The following KANSL1L variants were observed in gnomAD, a reference collection of about 807,000 sequenced individuals.
The protein encoded by KANSL1L is KAT8 regulatory NSL complex subunit 1 like.
KANSL1L carries 25 observed loss-of-function variants against 108.6 expected under a neutral mutation model. The ratio of observed to expected loss-of-function variants is 0.23; its 90% CI spans 0.17 to 0.32. The LOEUF (loss-of-function observed/expected upper bound fraction) is 0.32, where lower values mean the gene tolerates loss of function less well. Ranked by LOEUF, KANSL1L falls within the 10% of genes least tolerant of loss-of-function variation. KANSL1L has a pLI of 1.00. For synonymous variants in KANSL1L, 405 were observed against 395.1 expected, an observed-to-expected ratio of 1.03 and a Z score of -0.30; for missense variants, 1,137 against 1,125.7, an observed-to-expected ratio of 1.01 and a Z score of -0.14.
At chr2:210,121,236 G>A (rs1462261307) in intron 3 of KANSL1L, among the ~76,000 whole-genome samples, 1 of 152,192 alleles carries the variant, frequency 6.6e-6, no homozygotes, top group Non-Finnish European at 1.5e-5. Context: ...CAAAGGCATA[G>A]AATCAACCCG....
intron 4 of KANSL1L, among the ~76,000 whole-genome samples, chr2:210,102,148 A>G (rs898862773): frequency 4.6e-5 from 7 of 152,118 alleles, no homozygotes; most frequent in Admixed American, 2.0e-4. Flanking sequence ...CCACTGGTCT[A>G]TATCTCTGTT....
chr2:210,147,573 G>A (rs771844795), intron 2 of KANSL1L, among the ~76,000 whole-genome samples: 3 of 152,114 alleles, frequency 2.0e-5, no homozygotes, highest in Non-Finnish European at 2.9e-5. Context: ...AAAGGAAAAG[G>A]TTCTTCATTT....
chr2:210,163,732 C>T (rs2095373008), intron 1 of KANSL1L, among the ~76,000 whole-genome samples: 1 of 151,922 alleles, frequency 6.6e-6, no homozygotes, highest in Admixed American at 6.6e-5. Context: ...ATTTTATATA[C>T]AATAGTATAC....
In KANSL1L at chr2:210,065,358, C is replaced by T. The variant is rs140556611; in HGVS notation, c.1755+10194G>A. On this transcript the variant is annotated intron_variant, in intron 6 of 14. Transcript: ENST00000281772. ...CAAGCAGAAGTTAGAGAAAACAGAG[C>T]CAGTACTTCCCCATTCAAAAATAAG... is the stretch of plus-strand genomic sequence containing the variant. Among the ~76,000 whole-genome samples the T allele has an allele frequency of 9.0e-3, 1,326 of 147,890 alleles. 21 individuals are homozygous for T. The highest frequency in any genetic ancestry group is 0.028 in the African/African-American group (1,130 of 39,798).
chr2:210,050,739 C>A, intron 6 of KANSL1L, among the ~76,000 whole-genome samples: 1 of 151,796 alleles, frequency 6.6e-6, no homozygotes, highest in Non-Finnish European at 1.5e-5. Flanking sequence ...GTGGCACACA[C>A]CTATATTCCC....
intron 5 of KANSL1L, among the ~76,000 whole-genome samples, chr2:210,087,744 A>G (rs1198946928): frequency 6.6e-6 from 1 of 152,188 alleles, no homozygotes; most frequent in Admixed American, 6.5e-5. Flanking sequence ...AAAATTAACA[A>G]AATAACATCA....
chr2:210,162,154 T>C (rs1419150695), intron 1 of KANSL1L, among the ~76,000 whole-genome samples: 1 of 147,028 alleles, frequency 6.8e-6, no homozygotes, highest in Non-Finnish European at 1.5e-5. Flanking sequence ...GAAGAATTGG[T>C]CTTCATATCC....
chr2:210,156,627 A>G (rs1012246548), intron 1 of KANSL1L, among the ~76,000 whole-genome samples: 1 of 152,146 alleles, frequency 6.6e-6, no homozygotes, highest in Non-Finnish European at 1.5e-5. Context: ...ATATACGTAT[A>G]CATTTGTGTC....
At chr2:210,170,694 G>C (rs1156427681) in intron 1 of KANSL1L, 1 of 152,236 alleles carries the variant, frequency 6.6e-6, no homozygotes, top group East Asian at 1.9e-4. Context: ...AATCCAGTGG[G>C]CTCCGCCTCA....
intron 8 of KANSL1L, among the ~76,000 whole-genome samples, chr2:210,033,966 CAT>C (rs1240824185): frequency 2.0e-5 from 3 of 152,140 alleles, no homozygotes; most frequent in African/African-American, 7.2e-5. Context: ...CAATTCTACA[CAT>C]CCTCTTCACC....
chr2:210,165,644 A>C (rs796381840), intron 1 of KANSL1L, among the ~76,000 whole-genome samples: 4 of 152,340 alleles, frequency 2.6e-5, no homozygotes, highest in African/African-American at 9.6e-5. Flanking sequence ...AAATAAAATT[A>C]AGTTAATCTG....
chr2:210,062,424 G>A (rs894606896), intron 6 of KANSL1L, among the ~76,000 whole-genome samples: 3 of 152,196 alleles, frequency 2.0e-5, no homozygotes, highest in African/African-American at 4.8e-5. Flanking sequence ...AGAGTAGAGC[G>A]CTGCTTAGAA....
Position 210,171,406 on chromosome 2 carries a change from G to C in KANSL1L, c.-287C>G, listed in dbSNP as rs1308440548. The C allele has an allele frequency of 6.3e-6, 1 of 159,584 alleles. No individual in the cohort carries two copies. The highest frequency in any genetic ancestry group is 2.4e-5 in the African/African-American group (1 of 41,530). The allele number at this position is 159,584 out of a possible 1,614,324, so 9.9% of individuals were successfully genotyped here. On this transcript the variant is annotated 5_prime_UTR_variant, in exon 1 of 15. Coordinates refer to ENST00000281772, the MANE Select transcript of KANSL1L (RefSeq NM_152519.4). ...CTCGGGGGGACGGAACCCTGCCGCG[G>C]TCTGGGAGCAGTGGGCGGGGCCCGG...
At position 210,121,956 on chromosome 2, in the gene KANSL1L, A is replaced by C. The variant is rs189462106; in HGVS notation, c.1230+7075T>G. Among the ~76,000 whole-genome samples the C allele has an allele frequency of 4.6e-5, 7 of 152,316 alleles. No homozygotes were observed. The East Asian group carries it at 1.4e-3, about 29-fold the overall frequency. ...CATTTACAGTAGATACAAATAAAAC[A>C]GAATACCTAGGAATTAACCAAAGAA... On this transcript the variant is annotated intron_variant, in intron 3 of 14. Coordinates refer to ENST00000281772, the MANE Select transcript of KANSL1L (RefSeq NM_152519.4).
intron 5 of KANSL1L, among the ~76,000 whole-genome samples, chr2:210,079,166 A>C (rs1050463017): frequency 6.6e-6 from 1 of 152,200 alleles, no homozygotes; most frequent in Non-Finnish European, 1.5e-5. Context: ...GAAGAGGAGA[A>C]GGTCCAGAAG....
At chr2:210,078,709 T>C (rs147796497) in intron 5 of KANSL1L, among the ~76,000 whole-genome samples, 9 of 152,274 alleles carry the variant, frequency 5.9e-5, no homozygotes, top group African/African-American at 1.4e-4. Context: ...ATTAACCTCA[T>C]TGAAAGCAAA....
chr2:210,132,985 A>G (rs1176738476), intron 2 of KANSL1L, among the ~76,000 whole-genome samples: 1 of 152,108 alleles, frequency 6.6e-6, no homozygotes, highest in African/African-American at 2.4e-5. Flanking sequence ...TTTTTAACGT[A>G]AGGTTTTTCA....
At chr2:210,125,285 T>A (rs1375465671) in intron 3 of KANSL1L, among the ~76,000 whole-genome samples, 2 of 152,010 alleles carry the variant, frequency 1.3e-5, no homozygotes, top group Non-Finnish European at 2.9e-5. Flanking sequence ...AAAATTTGAA[T>A]AGGCCTATAT....
At chr2:210,052,001 C>CT (rs546815241) in intron 6 of KANSL1L, among the ~76,000 whole-genome samples, 1,548 of 134,336 alleles carry the variant, frequency 0.012, 17 homozygotes, top group African/African-American at 0.021. Context: ...TTCTTCTTTC[C>CT]TTTTTTTTTT....
Sources: gnomAD v4.1 joint callset for allele counts (sites outside exome capture counted in the v4.1 genomes callset) on GRCh38, gnomAD v4.1.1 for gene constraint, MANE v1.5 for transcripts, NCBI Gene and HGNC (gene_info 2026-07-23, HGNC 2026-07-21) for gene names.